The following ACOT7 variants were observed in gnomAD, a reference collection of about 807,000 sequenced individuals.
ACOT7 encodes acyl-CoA thioesterase 7, also known as cytosolic acyl coenzyme A thioester hydrolase.
Under a neutral mutation model 40.2 loss-of-function variants are expected in ACOT7, and 12 were observed. The ratio of observed to expected loss-of-function variants is 0.30; its 90% CI spans 0.19 to 0.48. ACOT7 has a LOEUF of 0.48. ACOT7 is among the 20% of genes least tolerant of loss of function. The pLI is 0.99. For synonymous variants in ACOT7, 228 were observed against 219.5 expected (o/e 1.04, Z -0.34); for missense variants, 395 against 530.8 (o/e 0.74, Z 2.51).
intron 1 of ACOT7, chr1:6,360,429 C>T: frequency 1.6e-6 from 2 of 1,236,636 alleles, no homozygotes; most frequent in South Asian, 2.9e-5. Context: ...CTCGGCCCAT[C>T]TTCCTGAGTA....
intron 1 of ACOT7, among the ~76,000 whole-genome samples, chr1:6,366,311 G>A (rs753534976): frequency 4.6e-5 from 7 of 152,042 alleles, no homozygotes; most frequent in East Asian, 1.9e-4. Context: ...GGCCAGGCAC[G>A]GTGGCTCATG....
rs772662485 is a variant in ACOT7, at chr1:6,281,272, T to C, written c.844A>G (p.Ile282Val). 3.7e-6 allele frequency: 6 copies of C among 1,611,646 alleles called. No homozygotes were observed. Among genetic ancestry groups the C allele is most frequent in the Middle Eastern group, 1.7e-4 (1 of 6,056 alleles). The change falls in exon 8 of 9, where the codon ATC becomes GTC. Residue 282 changes from isoleucine (I) to valine (V), a missense_variant. Physicochemically the swap from Ile to Val is conservative, Grantham distance 29. This residue lies in a region of ACOT7 where 309 missense variants were observed against 470.3 expected (regional missense o/e 0.66). Coordinates refer to ENST00000361521, the MANE Select transcript of ACOT7 (RefSeq NM_007274.4). ...CTCGTGAAGGTCATGCGTCCCGAGA[T>C]GGTGATGACGCAGCCTGTGGAGAAG... ...DKIRKGCVIT[I>V]SGRMTFTSNK... is the part of the protein sequence containing the mutation.
At chr1:6,380,428 C>T (rs941096231) in intron 1 of ACOT7, among the ~76,000 whole-genome samples, 5 of 151,172 alleles carry the variant, frequency 3.3e-5, no homozygotes, top group South Asian at 4.2e-4. Flanking sequence ...TGAAACCCCC[C>T]GTCTCTACTA....
Position 6,339,564 on chromosome 1 carries a change from C to A in ACOT7, c.287G>T (p.Arg96Leu). The A allele has an allele frequency of 1.2e-6, 2 of 1,613,402 alleles. No individual in the cohort carries two copies. Among genetic ancestry groups the A allele is most frequent in the East Asian group, 2.2e-5 (1 of 44,886 alleles). Reference sequence around the variant, plus strand: ...AGACAGGAAGTCGGTGCGCTCGACACGAGCCAGGGCGGCCACACAGCGCTC... The same window carrying A: ...AGACAGGAAGTCGGTGCGCTCGACAAGAGCCAGGGCGGCCACACAGCGCTC... Reference protein sequence around the residue: ...NGERCVAALARVERTDFLSPM... With the variant: ...NGERCVAALALVERTDFLSPM... The change falls in exon 3 of 9, where the codon CGT (arginine) becomes CTT (leucine). Residue 96 changes from arginine to leucine, a missense_variant. Around this residue, in one of 2 missense-constraint regions of ACOT7, gnomAD observed 309 missense variants for 470.3 expected, o/e 0.66. Transcript: ENST00000361521.
Position 6,264,523 on chromosome 1 carries a change from G to A in ACOT7, c.*74C>T. 1.4e-6 allele frequency: 2 copies of A among 1,437,880 alleles called. No homozygotes were observed. The allele number at this position is 1,437,880 out of a possible 1,614,324, so 89.1% of individuals were successfully genotyped here. On this transcript the variant is annotated 3_prime_UTR_variant, in exon 9 of 9. Transcript: ENST00000361521. ...TGTGAATTGGGTTTTTGGCCAAGGG[G>A]GGAACTTCTAAGTGACTGGACACTG... is the stretch of plus-strand genomic sequence containing the variant.
chr1:6,314,546 C>T (rs749026791), intron 6 of ACOT7, among the ~76,000 whole-genome samples: 1 of 151,866 alleles, frequency 6.6e-6, no homozygotes, highest in African/African-American at 2.4e-5. Context: ...TCTGGACCCC[C>T]ACAGGTATCT....
At chr1:6,382,508 T>C (rs975417032) in intron 1 of ACOT7, among the ~76,000 whole-genome samples, 2 of 151,774 alleles carry the variant, frequency 1.3e-5, no homozygotes, top group African/African-American at 4.8e-5. Flanking sequence ...CAAGAAAATA[T>C]GGCTACAAAT....
At chr1:6,388,054 C>T (rs1375209120) in intron 1 of ACOT7, among the ~76,000 whole-genome samples, 1 of 151,696 alleles carries the variant, frequency 6.6e-6, no homozygotes, top group Non-Finnish European at 1.5e-5. Flanking sequence ...GATTCTCCTG[C>T]CTCAGCTTCC....
chr1:6,316,750 C>T (rs953821254), intron 6 of ACOT7, among the ~76,000 whole-genome samples: 3 of 152,290 alleles, frequency 2.0e-5, no homozygotes, highest in African/African-American at 7.2e-5. Context: ...GCGGAGGATA[C>T]AGTGAGACAA....
At chr1:6,329,437 T>G (rs553565670) in intron 4 of ACOT7, among the ~76,000 whole-genome samples, 2 of 152,118 alleles carry the variant, frequency 1.3e-5, no homozygotes, top group South Asian at 4.1e-4. Context: ...TGTATCTACC[T>G]AGGAACATTG....
At chr1:6,276,683 C>T (rs557254508) in intron 8 of ACOT7, among the ~76,000 whole-genome samples, 35 of 152,096 alleles carry the variant, frequency 2.3e-4, no homozygotes, top group African/African-American at 7.9e-4. Context: ...GGAGCACACA[C>T]GTGCTCCCAG....
At position 6,299,654 on chromosome 1, in the gene ACOT7, G is replaced by C. The variant is rs146220363; in HGVS notation, c.713-4674C>G. The stretch of plus-strand genomic sequence containing the variant: ...GGTCATGGCTTCAGAGAGAGAGAGA[G>C]AGAGAGCGCAAGTGTGTGTGTGTGT... On this transcript the variant is annotated intron_variant, in intron 6 of 8. Coordinates refer to ENST00000361521, the MANE Select transcript of ACOT7 (RefSeq NM_007274.4). The surrounding 1 kb of genome is among the most constrained non-coding windows in gnomAD (Gnocchi z 4.1). Among the ~76,000 whole-genome samples, 518 of 148,704 alleles carry C rather than the reference G, an allele frequency of 3.5e-3. 2 individuals carry two copies. The highest frequency in any genetic ancestry group is 5.7e-3 in the Non-Finnish European group (384 of 67,490).
Position 6,358,905 on chromosome 1 carries a change from C to A in ACOT7, c.144-9039G>T. On this transcript the variant is annotated intron_variant, in intron 1 of 8. Transcript: ENST00000361521. This position sits in a 1 kb window ranked among gnomAD's most constrained non-coding sequence, Gnocchi z 4.1. ...AAGGCGAGGGAGCAGGGAAGCATCA[C>A]AGAGTCCTTGCCTGACCCAGGACTG... The A allele has an allele frequency of 2.5e-6, 4 of 1,605,072 alleles. No individual in the cohort carries two copies. The highest frequency in any genetic ancestry group is 3.4e-6 in the Non-Finnish European group (4 of 1,175,594).
At chr1:6,312,804 C>G (rs1219923487) in intron 6 of ACOT7, among the ~76,000 whole-genome samples, 1 of 152,138 alleles carries the variant, frequency 6.6e-6, no homozygotes, top group African/African-American at 2.4e-5. Flanking sequence ...TGTATCAAAC[C>G]ATCTCATGTA....
At chr1:6,318,852 G>A (rs1431723802) in intron 5 of ACOT7, among the ~76,000 whole-genome samples, 1 of 152,196 alleles carries the variant, frequency 6.6e-6, no homozygotes, top group Non-Finnish European at 1.5e-5. Context: ...CCCAGGGGTA[G>A]CCATGAAACA....
chr1:6,307,109 G>A (rs116250881), intron 6 of ACOT7, among the ~76,000 whole-genome samples: 3 of 152,290 alleles, frequency 2.0e-5, no homozygotes, highest in South Asian at 2.1e-4. Context: ...GATGTTTGTC[G>A]CAGAAGGTTT....
At chr1:6,325,379 T>A (rs538172234) in intron 5 of ACOT7, among the ~76,000 whole-genome samples, 1 of 149,064 alleles carries the variant, frequency 6.7e-6, no homozygotes, top group Non-Finnish European at 1.5e-5. Context: ...GCCAGGAGGA[T>A]AGAGCGAGAT....
chr1:6,380,920 A>G (rs898189793), intron 1 of ACOT7, among the ~76,000 whole-genome samples: 1 of 151,890 alleles, frequency 6.6e-6, no homozygotes, highest in African/African-American at 2.4e-5. Context: ...TCAACAGACA[A>G]TATCAACAGA....
chr1:6,330,265 C>T lies in ACOT7; in HGVS notation c.511-2852G>A, dbSNP rs879920960. On this transcript the variant is annotated intron_variant, in intron 4 of 8. Transcript: ENST00000361521. This position sits in a 1 kb window ranked among gnomAD's most constrained non-coding sequence, Gnocchi z 4.6. ...ATAAGACAGCCCTGTGGCCAGGCCA[C>T]CAGCAGATGGGCATAAATGCCCATC... 6.6e-6 allele frequency among the ~76,000 whole-genome samples: 1 copy of T among 152,174 alleles called. No homozygotes were observed. Among genetic ancestry groups the T allele is most frequent in the Non-Finnish European group, 1.5e-5 (1 of 68,034 alleles).
Sources: gnomAD v4.1 joint callset for allele counts (sites outside exome capture counted in the v4.1 genomes callset) on GRCh38, gnomAD v4.1.1 for gene constraint, gnomAD v4.1.1 regional missense constraint, Gnocchi (gnomAD v3.1) non-coding constraint, MANE v1.5 for transcripts, NCBI Gene and HGNC (gene_info 2026-07-23, HGNC 2026-07-21) for gene names.